The following ABCB1 variants were observed in gnomAD, a reference collection of about 807,000 sequenced individuals.
ABCB1 encodes ATP binding cassette subfamily B member 1.
In ABCB1, 69 loss-of-function variants were observed where a neutral mutation model predicts 142.0. The ratio of observed to expected loss-of-function variants is 0.49; its 90% CI spans 0.40 to 0.59. The LOEUF (loss-of-function observed/expected upper bound fraction) is 0.59, where lower values mean the gene tolerates loss of function less well. Ranked by LOEUF, ABCB1 falls within the 20% of genes least tolerant of loss-of-function variation. The pLI is 0.00. For missense variants in ABCB1, 1,326 were observed against 1,554.7 expected (o/e 0.85, Z 2.47); for synonymous variants, 532 against 539.2 (o/e 0.99, Z 0.18).
intron 1 of ABCB1, among the ~76,000 whole-genome samples, chr7:87,645,222 A>G (rs1822877034): frequency 6.6e-6 from 1 of 151,734 alleles, no homozygotes; most frequent in South Asian, 2.1e-4. Context: ...AGCTGGGATT[A>G]CAGGCATGTG....
At chr7:87,571,352 C>T (rs2129843619) in intron 4 of ABCB1, among the ~76,000 whole-genome samples, 1 of 152,072 alleles carries the variant, frequency 6.6e-6, no homozygotes, top group Admixed American at 6.6e-5. Flanking sequence ...AGCAGTTGTT[C>T]GACAGTTTTG....
intron 1 of ABCB1, among the ~76,000 whole-genome samples, chr7:87,672,688 G>A (rs1277918880): frequency 1.3e-5 from 2 of 152,146 alleles, no homozygotes; most frequent in Non-Finnish European, 2.9e-5. Context: ...GAGACCGAAG[G>A]CCCTGGTGGA....
chr7:87,531,197 A>G (rs1816039739), intron 21 of ABCB1, 97 bp downstream of exon 21: 3 of 1,081,556 alleles, frequency 2.8e-6, no homozygotes, highest in Admixed American at 3.5e-5. Context: ...TTATAAACAC[A>G]TTCTTAGAGC....
Position 87,680,097 on chromosome 7 carries a change from A to G in ABCB1, c.-331+33064T>C, listed in dbSNP as rs538950267. 5.4e-4 allele frequency among the ~76,000 whole-genome samples: 81 copies of G among 150,332 alleles called. 6 individuals are homozygous for G. Among genetic ancestry groups the G allele is most frequent in the African/African-American group, 2.0e-3 (80 of 40,500 alleles). On this transcript the variant is annotated intron_variant, in intron 1 of 28. Coordinates refer to the ABCB1 transcript ENST00000265724. ...TGTGTCCATGTGTTCTCGTTGTTCA[A>G]CTTCCACTTATGAGTGAGAACATGC... is the stretch of plus-strand genomic sequence containing the variant.
At chr7:87,568,254 T>TAATAATAAC (rs1328701750) in intron 5 of ABCB1, among the ~76,000 whole-genome samples, 1 of 133,126 alleles carries the variant, frequency 7.5e-6, no homozygotes, top group South Asian at 2.3e-4. Flanking sequence ...ATAATAATAA[T>TAATAATAAC]AATAATAATA....
chr7:87,614,597 C>G (rs1457086269), intron 1 of ABCB1, among the ~76,000 whole-genome samples: 1 of 152,126 alleles, frequency 6.6e-6, no homozygotes, highest in African/African-American at 2.4e-5. Flanking sequence ...AGATATTTTT[C>G]AAGATGAATC....
intron 1 of ABCB1, among the ~76,000 whole-genome samples, chr7:87,698,621 G>A (rs1175535524): frequency 1.3e-5 from 2 of 152,094 alleles, no homozygotes; most frequent in East Asian, 3.9e-4. Context: ...AAGATTATCT[G>A]TGTTGTGCTG....
chr7:87,617,135 T>C (rs2130079294), intron 1 of ABCB1, among the ~76,000 whole-genome samples: 1 of 152,346 alleles, frequency 6.6e-6, no homozygotes, highest in East Asian at 1.9e-4. Flanking sequence ...TATCTAGATC[T>C]GTTGACTTGG....
At chr7:87,621,424 G>C (rs1820217432) in intron 1 of ABCB1, among the ~76,000 whole-genome samples, 1 of 152,024 alleles carries the variant, frequency 6.6e-6, no homozygotes, top group African/African-American at 2.4e-5. Context: ...TTTAATACTA[G>C]CATTAGATAA....
chr7:87,522,446 G>C (rs1380864607), intron 21 of ABCB1: 1 of 594,086 alleles, frequency 1.7e-6, no homozygotes, highest in Non-Finnish European at 3.2e-6. Flanking sequence ...CTTAGCAGGA[G>C]ATAAGAGCCA....
At chr7:87,690,374 G>C (rs1827898108) in intron 1 of ABCB1, among the ~76,000 whole-genome samples, 3 of 151,950 alleles carry the variant, frequency 2.0e-5, no homozygotes, top group African/African-American at 7.2e-5. Flanking sequence ...AACTTCAAAA[G>C]ATTTGCACTT....
At chr7:87,595,881 A>T (rs1584911325) in intron 2 of ABCB1, 67 bp from the exon 3 acceptor site, 19 of 1,232,818 alleles carry the variant, frequency 1.5e-5, no homozygotes, top group Non-Finnish European at 2.3e-5. Context: ...ACCCAAATTA[A>T]CATAGAATGT....
intron 1 of ABCB1, among the ~76,000 whole-genome samples, chr7:87,620,066 C>T (rs1248806679): frequency 6.6e-6 from 1 of 152,076 alleles, no homozygotes. Context: ...TTAGTCTATC[C>T]ATAGGAAAAA....
chr7:87,565,170 T>C (rs1334490918), intron 7 of ABCB1, among the ~76,000 whole-genome samples: 1 of 152,226 alleles, frequency 6.6e-6, no homozygotes, highest in Non-Finnish European at 1.5e-5. Flanking sequence ...TAATATCCAT[T>C]ATACAGGTTA....
At chr7:87,704,012 C>A in intron 1 of ABCB1, among the ~76,000 whole-genome samples, 1 of 144,486 alleles carries the variant, frequency 6.9e-6, no homozygotes, top group Non-Finnish European at 1.5e-5. Context: ...CCTCCACCTC[C>A]CAGGCTCAAG....
At chr7:87,641,319 T>G (rs1822431700) in intron 1 of ABCB1, among the ~76,000 whole-genome samples, 1 of 152,186 alleles carries the variant, frequency 6.6e-6, no homozygotes, top group Non-Finnish European at 1.5e-5. Flanking sequence ...TAGTGTAGGT[T>G]AATGACCACT....
intron 1 of ABCB1, among the ~76,000 whole-genome samples, chr7:87,638,345 T>TTGTGTG (rs71524692): frequency 0.032 from 4,699 of 144,730 alleles, 138 homozygotes; most frequent in African/African-American, 0.076. Context: ...AAGTATGTGT[T>TTGTGTG]TGTGTGTGTG....
At chr7:87,513,106 T>C (rs1815088077) in intron 25 of ABCB1, among the ~76,000 whole-genome samples, 1 of 152,200 alleles carries the variant, frequency 6.6e-6, no homozygotes, top group African/African-American at 2.4e-5. Context: ...CAGACAAGAA[T>C]TTCTGCAACA....
chr7:87,639,548 A>G (rs868166672), intron 1 of ABCB1, among the ~76,000 whole-genome samples: 42 of 152,072 alleles, frequency 2.8e-4, no homozygotes, highest in Non-Finnish European at 4.4e-4. Flanking sequence ...TGTGATTTTT[A>G]CTATAAATAT....
Sources: gnomAD v4.1 joint callset for allele counts (sites outside exome capture counted in the v4.1 genomes callset) on GRCh38, gnomAD v4.1.1 for gene constraint, MANE v1.5 for transcripts, NCBI Gene and HGNC (gene_info 2026-07-23, HGNC 2026-07-21) for gene names.